UTRN: variants seen among roughly 807,000 people sequenced by gnomAD.
UTRN encodes the protein dystrophin-related protein 1.
In UTRN, 283 loss-of-function variants were observed where a neutral mutation model predicts 463.9. The ratio of observed to expected loss-of-function variants is 0.61; its 90% CI spans 0.55 to 0.67. UTRN has a LOEUF of 0.67. UTRN is among the 30% of genes least tolerant of loss of function. The pLI is 0.00. For synonymous variants in UTRN, 1,442 were observed against 1,431.5 expected, an observed-to-expected ratio of 1.01 and a Z score of -0.17; for missense variants, 3,922 against 4,084.3, an observed-to-expected ratio of 0.96 and a Z score of 1.08.
intron 51 of UTRN, among the ~76,000 whole-genome samples, chr6:144,608,277 T>C (rs963815252): frequency 2.0e-5 from 3 of 152,184 alleles, no homozygotes; most frequent in Non-Finnish European, 4.4e-5. Flanking sequence ...GAAGAGCAGC[T>C]CTTCCCTGGG....
intron 53 of UTRN, among the ~76,000 whole-genome samples, chr6:144,710,594 A>G (rs956269718): frequency 6.6e-6 from 1 of 152,248 alleles, no homozygotes; most frequent in African/African-American, 2.4e-5. Context: ...TTTCAGCAAC[A>G]TCAATAATAA....
chr6:144,396,308 T>C (rs1782407992), intron 2 of UTRN, among the ~76,000 whole-genome samples: 1 of 152,192 alleles, frequency 6.6e-6, no homozygotes, highest in South Asian at 2.1e-4. Flanking sequence ...TCCACTTACA[T>C]GACATATCTT....
intron 52 of UTRN, among the ~76,000 whole-genome samples, chr6:144,699,266 C>T (rs564713311): frequency 7.9e-5 from 12 of 151,830 alleles, no homozygotes; most frequent in Non-Finnish European, 1.5e-4. Flanking sequence ...GGTGAAATCC[C>T]GTCTCTACTA....
chr6:144,531,998 A>C (rs543211063), intron 42 of UTRN, among the ~76,000 whole-genome samples: 283 of 152,150 alleles, frequency 1.9e-3, no homozygotes, highest in Middle Eastern at 6.8e-3. Flanking sequence ...TTAGCCGGGC[A>C]TGGTGGAACG....
At chr6:144,812,700 A>G (rs1042303174) in intron 65 of UTRN, among the ~76,000 whole-genome samples, 1 of 152,220 alleles carries the variant, frequency 6.6e-6, no homozygotes, top group Non-Finnish European at 1.5e-5. Context: ...GTAAAATACA[A>G]TCTCAAAAGT....
chr6:144,628,827 A>G (rs1490586173), intron 51 of UTRN, among the ~76,000 whole-genome samples: 1 of 152,178 alleles, frequency 6.6e-6, no homozygotes, highest in African/African-American at 2.4e-5. Context: ...TCTTTGGGAT[A>G]CATTGGTCAT....
At chr6:144,590,089 G>C (rs907048030) in intron 51 of UTRN, among the ~76,000 whole-genome samples, 1 of 152,116 alleles carries the variant, frequency 6.6e-6, no homozygotes, top group Middle Eastern at 3.4e-3. Context: ...TCAAACTCCT[G>C]AGCTCAAGCA....
rs1285933398 is a variant in UTRN, at chr6:144,516,840, A to G, written c.5433A>G (p.Glu1811=). The G allele has an allele frequency of 3.3e-6, 5 of 1,506,608 alleles. No individual in the cohort carries two copies. The highest frequency in any genetic ancestry group is 4.4e-6 in the Non-Finnish European group (5 of 1,132,938). The allele number at this position is 1,506,608 out of a possible 1,614,324, so 93.3% of individuals were successfully genotyped here. ...KMDEESAQIE[E]VLQRGEEMLH... The stretch of plus-strand genomic sequence containing the variant: ...ATGAGGAGAGTGCCCAGATTGAGGA[A>G]GTTCTACAAAGAGGAGAAGAAATGT... The change falls in exon 39 of 75, where the codon GAA becomes GAG. Residue 1811 remains glutamate, a synonymous_variant. Transcript: ENST00000367545.
intron 65 of UTRN, among the ~76,000 whole-genome samples, chr6:144,812,138 TTC>T (rs893472739): frequency 2.6e-5 from 4 of 152,316 alleles, no homozygotes; most frequent in Middle Eastern, 3.4e-3. Context: ...AACAAATATT[TTC>T]TGTTTTGTTT....
chr6:144,656,753 G>A (rs1779354108), intron 51 of UTRN, among the ~76,000 whole-genome samples: 1 of 152,040 alleles, frequency 6.6e-6, no homozygotes, highest in African/African-American at 2.4e-5. Context: ...GAATGACTTT[G>A]GATATTTACA....
intron 2 of UTRN, among the ~76,000 whole-genome samples, chr6:144,299,835 A>G (rs1417818727): frequency 2.0e-5 from 3 of 152,080 alleles, no homozygotes; most frequent in Admixed American, 1.3e-4. Flanking sequence ...TCTTATCTTA[A>G]GGGGGGGTGG....
chr6:144,433,684 G>A (rs1417633115), intron 9 of UTRN, among the ~76,000 whole-genome samples: 5 of 151,736 alleles, frequency 3.3e-5, no homozygotes, highest in African/African-American at 1.2e-4. Context: ...CCGGGCAGAG[G>A]CACTCCTCAC....
rs753807162 is a variant in UTRN, at chr6:144,548,621, G to C, written c.6596-19G>C. On this transcript the variant is annotated intron_variant, in intron 46 of 74. Coordinates refer to ENST00000367545, the MANE Select transcript of UTRN (RefSeq NM_007124.3). ...CATCCTGTTGATTAATTTCTCTTTT[G>C]CTACATTTTTCATTTCAGCTCATCC... 3 of 1,604,552 alleles carry C rather than the reference G, an allele frequency of 1.9e-6. No individual in the cohort carries two copies. In the Admixed American group the frequency reaches 5.0e-5, roughly 27 times the overall value.
At position 144,643,414 on chromosome 6, in the gene UTRN, C is replaced by T. The variant is rs145448876; in HGVS notation, c.7480-34992C>T. On this transcript the variant is annotated intron_variant, in intron 51 of 74. Coordinates refer to ENST00000367545, the MANE Select transcript of UTRN (RefSeq NM_007124.3). ...GTAAAACAAGAAGAAAAGAGTTTAA[C>T]GTTTTCCTGTAAGAGAGTAGGTTGT... is the stretch of plus-strand genomic sequence containing the variant. Among the ~76,000 whole-genome samples, 131 of 152,238 alleles carry T rather than the reference C, an allele frequency of 8.6e-4. 1 individual carries two copies. The highest frequency in any genetic ancestry group is 6.8e-3 in the Middle Eastern group (2 of 294).
intron 2 of UTRN, among the ~76,000 whole-genome samples, chr6:144,386,474 A>C (rs1002283869): frequency 2.6e-5 from 4 of 152,146 alleles, no homozygotes; most frequent in Non-Finnish European, 5.9e-5. Context: ...AACAAACAAA[A>C]AGTATTAGTA....
intron 1 of UTRN, among the ~76,000 whole-genome samples, chr6:144,290,590 C>T (rs539665899): frequency 6.6e-6 from 1 of 152,128 alleles, no homozygotes; most frequent in Admixed American, 6.6e-5. Flanking sequence ...CAACATATTA[C>T]TATGAAAAAA....
intron 3 of UTRN, among the ~76,000 whole-genome samples, chr6:144,405,015 G>T (rs1259991007): frequency 1.3e-5 from 2 of 152,138 alleles, no homozygotes; most frequent in African/African-American, 4.8e-5. Context: ...TTCTTACCAA[G>T]ATACTGGAAA....
chr6:144,304,803 A>T (rs115757464), intron 2 of UTRN, among the ~76,000 whole-genome samples: 6,550 of 152,228 alleles, frequency 0.043, 453 homozygotes, highest in African/African-American at 0.15. Context: ...CTTTAAAATT[A>T]AAAAAATTTA....
intron 52 of UTRN, among the ~76,000 whole-genome samples, chr6:144,696,655 C>G (rs1465440730): frequency 6.6e-6 from 1 of 151,954 alleles, no homozygotes; most frequent in Non-Finnish European, 1.5e-5. Flanking sequence ...GGAGATTTTA[C>G]CATAAACCAA....
Sources: gnomAD v4.1 joint callset for allele counts (sites outside exome capture counted in the v4.1 genomes callset) on GRCh38, gnomAD v4.1.1 for gene constraint, MANE v1.5 for transcripts, NCBI Gene and HGNC (gene_info 2026-07-23, HGNC 2026-07-21) for gene names.